TENM1: variants seen among roughly 807,000 people sequenced by gnomAD.
TENM1 encodes teneurin-1.
Under a neutral mutation model 174.8 loss-of-function variants are expected in TENM1, and 35 were observed. The observed-to-expected ratio is 0.20, with a 90% CI of 0.15 to 0.27. The LOEUF (loss-of-function observed/expected upper bound fraction) is 0.27. Ranked by LOEUF, TENM1 falls within the 10% of genes least tolerant of loss-of-function variation. The pLI, the probability that TENM1 is intolerant of heterozygous loss-of-function variation, is 1.00. For missense variants in TENM1, 1,633 were observed against 2,130.1 expected (o/e 0.77, Z 4.59); for synonymous variants, 781 against 798.7 (o/e 0.98, Z 0.37).
chrX:124,741,333 A>G (rs892869671), intron 3 of TENM1, among the ~76,000 whole-genome samples: 1 of 112,143 alleles, frequency 8.9e-6, no homozygotes, highest in East Asian at 2.8e-4. Flanking sequence ...ATCTCTGCTC[A>G]GAAATACTGT....
the TENM1 span, among the ~76,000 whole-genome samples, chrX:125,029,491 T>C: frequency 9.0e-5 from 10 of 111,335 alleles, no homozygotes; most frequent in African/African-American, 2.9e-4. Context: ...AGACTCAAAG[T>C]GGTGCAGCAA....
chrX:124,522,617 G>A (rs147173749), intron 17 of TENM1, among the ~76,000 whole-genome samples: 1,308 of 108,540 alleles, frequency 0.012, 18 homozygotes, highest in African/African-American at 0.042. Flanking sequence ...ACAGCTAGAT[G>A]AGAGAACTTG....
chrX:125,009,645 C>A, the TENM1 span, among the ~76,000 whole-genome samples: 3 of 111,738 alleles, frequency 2.7e-5, no homozygotes, highest in African/African-American at 9.8e-5. Context: ...AAAATACTGG[C>A]AAACTGAATC....
chrX:124,999,458 T>A, the TENM1 span, among the ~76,000 whole-genome samples: 1 of 111,062 alleles, frequency 9.0e-6, no homozygotes, highest in Non-Finnish European at 1.9e-5. Flanking sequence ...GGTAGAGGAA[T>A]CTGACGTGAT....
At chrX:124,382,339 CT>C (rs1309668026) in intron 31 of TENM1, among the ~76,000 whole-genome samples, 1 of 111,479 alleles carries the variant, frequency 9.0e-6, no homozygotes, top group Non-Finnish European at 1.9e-5. Flanking sequence ...GTTTTCGTGT[CT>C]CTTACCGAAC....
the TENM1 span, among the ~76,000 whole-genome samples, chrX:124,991,068 A>G: frequency 8.9e-6 from 1 of 111,787 alleles, no homozygotes; most frequent in African/African-American, 3.2e-5. Flanking sequence ...GACAGACTGA[A>G]GCCATATGAT....
chrX:125,015,757 C>A, the TENM1 span, among the ~76,000 whole-genome samples: 10 of 111,635 alleles, frequency 9.0e-5, no homozygotes, highest in Admixed American at 9.6e-4. Context: ...GAGGAAAGGG[C>A]ATTGCGTAGA....
the TENM1 span, among the ~76,000 whole-genome samples, chrX:125,033,562 G>C: frequency 3.6e-5 from 4 of 111,978 alleles, no homozygotes; most frequent in Non-Finnish European, 7.5e-5. Flanking sequence ...GCCTCTTACA[G>C]TAAGTAGCAG....
chrX:125,051,540 T>C, the TENM1 span, among the ~76,000 whole-genome samples: 34,349 of 109,251 alleles, frequency 0.31, 6,013 homozygotes, highest in African/African-American at 0.67. Context: ...AATAACGCTG[T>C]ATATCTACAA....
At chrX:124,978,481 G>C in the TENM1 span, among the ~76,000 whole-genome samples, 1 of 111,876 alleles carries the variant, frequency 8.9e-6, no homozygotes, top group Non-Finnish European at 1.9e-5. Flanking sequence ...TCTGGATTCT[G>C]ATTTTTTCTC....
At chrX:124,907,183 G>A (rs768827461) in intron 1 of TENM1, among the ~76,000 whole-genome samples, 26 of 112,212 alleles carry the variant, frequency 2.3e-4, no homozygotes, top group East Asian at 1.7e-3. Context: ...ATGAAACAAA[G>A]CAGCAAGGCT....
intron 5 of TENM1, among the ~76,000 whole-genome samples, chrX:124,672,957 A>AT (rs1300032686): frequency 9.0e-6 from 1 of 111,593 alleles, no homozygotes; most frequent in East Asian, 2.8e-4. Flanking sequence ...GAGAATTTTT[A>AT]TTTTTTTTAT....
chrX:124,685,274 G>A (rs184972312), intron 5 of TENM1, among the ~76,000 whole-genome samples: 92 of 111,360 alleles, frequency 8.3e-4, no homozygotes, highest in Admixed American at 2.2e-3. Context: ...CAAGTTCAGT[G>A]AGCTACAAGA....
intron 23 of TENM1, among the ~76,000 whole-genome samples, chrX:124,447,064 G>C (rs2060973261): frequency 9.0e-6 from 1 of 110,863 alleles, no homozygotes; most frequent in Non-Finnish European, 1.9e-5. Flanking sequence ...TTGATTTACT[G>C]AAATATGAAA....
At chrX:125,009,432 C>T in the TENM1 span, among the ~76,000 whole-genome samples, 1 of 111,443 alleles carries the variant, frequency 9.0e-6, no homozygotes, top group African/African-American at 3.3e-5. Context: ...GATGGATTCA[C>T]GGCCAAGTTC....
chrX:124,862,368 G>GA (rs769137391), intron 3 of TENM1, among the ~76,000 whole-genome samples: 2 of 111,701 alleles, frequency 1.8e-5, no homozygotes, highest in African/African-American at 6.5e-5. Context: ...TGAAGAGATA[G>GA]AAAAAACAGT....
the TENM1 span, among the ~76,000 whole-genome samples, chrX:125,036,559 C>A: frequency 9.0e-6 from 1 of 111,487 alleles, no homozygotes; most frequent in African/African-American, 3.3e-5. Flanking sequence ...AAACTTGGAT[C>A]ATCTATAAGA....
chrX:124,442,347 A>G (rs1052731181), intron 23 of TENM1, among the ~76,000 whole-genome samples: 1 of 112,144 alleles, frequency 8.9e-6, no homozygotes, highest in African/African-American at 3.2e-5. Flanking sequence ...ATTATAATTC[A>G]GATTTTCTTG....
intron 19 of TENM1, among the ~76,000 whole-genome samples, chrX:124,500,965 C>T (rs1490717211): frequency 9.0e-6 from 1 of 111,418 alleles, no homozygotes; most frequent in Non-Finnish European, 1.9e-5. Context: ...CCCAGTAAAA[C>T]CATTTGTCGG....
Sources: allele counts gnomAD v4.1 joint callset (sites outside exome capture counted in the v4.1 genomes callset), GRCh38; gene constraint gnomAD v4.1.1; transcripts MANE v1.5; gene names NCBI Gene and HGNC (gene_info 2026-07-23, HGNC 2026-07-21).